Variants in DENND2C observed in about 807,000 individuals in gnomAD.
The protein encoded by DENND2C is DENN domain containing 2C.
In DENND2C, 72 loss-of-function variants were observed where a neutral mutation model predicts 112.4. That is an observed-to-expected ratio of 0.64 (90% CI 0.53 to 0.78). DENND2C has a LOEUF of 0.78. DENND2C is among the 30% of genes least tolerant of loss of function. DENND2C has a pLI of 0.00. For synonymous variants in DENND2C, 329 were observed against 381.6 expected (o/e 0.86, Z 1.61); for missense variants, 992 against 1,113.8 (o/e 0.89, Z 1.56).
At chr1:114,636,525 C>A (rs919664100) in intron 3 of DENND2C, among the ~76,000 whole-genome samples, 4 of 152,066 alleles carry the variant, frequency 2.6e-5, no homozygotes, top group African/African-American at 9.6e-5. Flanking sequence ...ATTAGCCAGG[C>A]ATGGTGGTGC....
At chr1:114,609,555 C>A (rs1161603513) in intron 9 of DENND2C, among the ~76,000 whole-genome samples, 1 of 152,066 alleles carries the variant, frequency 6.6e-6, no homozygotes, top group African/African-American at 2.4e-5. Flanking sequence ...ATAGCAATAC[C>A]AATTAAAACT....
chr1:114,626,981 A>G (rs1165834078), intron 3 of DENND2C, among the ~76,000 whole-genome samples: 1 of 152,208 alleles, frequency 6.6e-6, no homozygotes, highest in Non-Finnish European at 1.5e-5. Context: ...TTGATTAATA[A>G]TATCAGCCCA....
rs1396150240 is a variant in DENND2C, at chr1:114,585,174, A to G, written c.*426T>C. ...TAGTTCAGTGATGAGAATTATGTGT[A>G]TAAGGCTAGTGTTCTCCATTTCCAT... On this transcript the variant is annotated 3_prime_UTR_variant, in exon 21 of 21. Coordinates refer to ENST00000393274, the MANE Select transcript of DENND2C (RefSeq NM_001256404.2). 5.6e-6 allele frequency: 1 copy of G among 178,984 alleles called. No individual in the cohort carries two copies. The highest frequency in any genetic ancestry group is 1.2e-5 in the Non-Finnish European group (1 of 83,718). The allele number at this position is 178,984 out of a possible 1,614,324, so 11.1% of individuals were successfully genotyped here. A position where few individuals can be genotyped will look rare whatever the true frequency, so the allele number is the denominator to read the frequency against.
At chr1:114,659,364 T>C (rs1212890389) in intron 1 of DENND2C, among the ~76,000 whole-genome samples, 2 of 152,014 alleles carry the variant, frequency 1.3e-5, no homozygotes, top group Non-Finnish European at 2.9e-5. Context: ...TAGCCAGGCA[T>C]GGTGGCCGGC....
intron 14 of DENND2C, 52 bp downstream of exon 14, chr1:114,600,768 G>GTT: frequency 1.9e-6 from 3 of 1,585,874 alleles, no homozygotes; most frequent in Non-Finnish European, 2.6e-6. Context: ...GCCTACTAGT[G>GTT]TAAGTCCTGC....
At position 114,585,497 on chromosome 1, in the gene DENND2C, AT is replaced by A; in HGVS notation, c.*102del. 3 of 1,326,452 alleles carry A rather than the reference AT, an allele frequency of 2.3e-6. No individual in the cohort carries two copies. The highest frequency in any genetic ancestry group is 3.2e-6 in the Non-Finnish European group (3 of 938,772). 82.2% of individuals were successfully genotyped at this position (1,326,452 alleles called of 1,614,324 possible). ...CTGACTCGCTCTTTAACCTTTTAAA[AT>A]TTCAAGAATTTTGTAGAATACTTCA... On this transcript the variant is annotated 3_prime_UTR_variant, in exon 21 of 21. Coordinates refer to ENST00000393274, the MANE Select transcript of DENND2C (RefSeq NM_001256404.2).
intron 1 of DENND2C, among the ~76,000 whole-genome samples, chr1:114,661,111 A>G (rs1336605624): frequency 1.3e-5 from 2 of 150,854 alleles, no homozygotes; most frequent in African/African-American, 4.9e-5. Flanking sequence ...CGTCTCAAAA[A>G]AAAAAAAAAA....
At chr1:114,656,393 C>A (rs1308564492) in intron 1 of DENND2C, among the ~76,000 whole-genome samples, 1 of 116,854 alleles carries the variant, frequency 8.6e-6, no homozygotes, top group African/African-American at 3.6e-5. Context: ...CATTCTTTTT[C>A]TTTCTTTCTT....
At chr1:114,639,296 T>C (rs756717620) in intron 3 of DENND2C, among the ~76,000 whole-genome samples, 3 of 152,168 alleles carry the variant, frequency 2.0e-5, no homozygotes, top group African/African-American at 4.8e-5. Flanking sequence ...GATGAAGCCA[T>C]TTGGCCAGGC....
At chr1:114,660,089 T>G (rs1657454550) in intron 1 of DENND2C, among the ~76,000 whole-genome samples, 1 of 152,158 alleles carries the variant, frequency 6.6e-6, no homozygotes, top group Admixed American at 6.5e-5. Context: ...CATGCCTGAC[T>G]GAGATTGCCT....
At chr1:114,602,032 T>C in intron 12 of DENND2C, 93 bp downstream of exon 12, 2 of 1,268,092 alleles carry the variant, frequency 1.6e-6, no homozygotes, top group Non-Finnish European at 2.3e-6. Context: ...TGAGCATCCC[T>C]CAAACTCATC....
chr1:114,661,344 A>G (rs1657487152), intron 1 of DENND2C, among the ~76,000 whole-genome samples: 1 of 152,202 alleles, frequency 6.6e-6, no homozygotes, highest in Non-Finnish European at 1.5e-5. Flanking sequence ...AATCATGAGC[A>G]CAACTTCCAT....
chr1:114,583,137 A>G lies in DENND2C; in HGVS notation c.*2463T>C, dbSNP rs1300295236. Reference sequence around the variant, plus strand: ...TGGGTTGGAGTGTAAGAAGAGACCAAATGGAGAGATGTCTAGTAGAAGCCC... The same window carrying G: ...TGGGTTGGAGTGTAAGAAGAGACCAGATGGAGAGATGTCTAGTAGAAGCCC... On this transcript the variant is annotated 3_prime_UTR_variant, in exon 21 of 21. Coordinates refer to ENST00000393274, the MANE Select transcript of DENND2C (RefSeq NM_001256404.2). 3.3e-5 allele frequency: 5 copies of G among 152,138 alleles called. No homozygotes were observed. The highest frequency in any genetic ancestry group is 9.7e-5 in the African/African-American group (4 of 41,420). 9.4% of individuals were successfully genotyped at this position (152,138 alleles called of 1,614,324 possible).
chr1:114,603,519 C>T (rs1655577461), intron 11 of DENND2C, among the ~76,000 whole-genome samples: 1 of 150,636 alleles, frequency 6.6e-6, no homozygotes, highest in African/African-American at 2.4e-5. Flanking sequence ...TTCTTTCCTC[C>T]CTCCCTCCCT....
At chr1:114,641,620 C>T (rs1394278231) in intron 3 of DENND2C, among the ~76,000 whole-genome samples, 1 of 152,158 alleles carries the variant, frequency 6.6e-6, no homozygotes, top group East Asian at 1.9e-4. Flanking sequence ...TCACTTTCCA[C>T]CATGATTGTA....
chr1:114,590,049 T>G (rs907991838), intron 18 of DENND2C, among the ~76,000 whole-genome samples: 1 of 152,196 alleles, frequency 6.6e-6, no homozygotes, highest in South Asian at 2.1e-4. Context: ...ATACAAAATA[T>G]TGTATTCTTC....
intron 3 of DENND2C, among the ~76,000 whole-genome samples, chr1:114,634,087 T>C (rs997646742): frequency 5.3e-5 from 8 of 152,220 alleles, no homozygotes; most frequent in African/African-American, 1.7e-4. Flanking sequence ...CTAGCAATCC[T>C]AATGTTCATG....
At chr1:114,663,291 C>G (rs1176956874) in intron 1 of DENND2C, among the ~76,000 whole-genome samples, 1 of 152,190 alleles carries the variant, frequency 6.6e-6, no homozygotes, top group Admixed American at 6.5e-5. Flanking sequence ...CCCACTTTCA[C>G]TGAAGCGAAA....
rs551024845 is a variant in DENND2C at position 114,648,846 on chromosome 1, T to C, written c.-316-3287A>G. Among the ~76,000 whole-genome samples, 3 of 152,304 alleles carry C rather than the reference T, an allele frequency of 2.0e-5. No individual in the cohort carries two copies. The South Asian group carries it at 6.2e-4, about 32-fold the overall frequency. ...CTACAAAATGCCACAGTGTGGAAAA[T>C]GGCACGTAAAACTAACTTTAATAAC... is the stretch of plus-strand genomic sequence containing the variant. On this transcript the variant is annotated intron_variant, in intron 2 of 20. Transcript: ENST00000393274.
Sources: gnomAD v4.1 joint callset for allele counts (sites outside exome capture counted in the v4.1 genomes callset) on GRCh38, gnomAD v4.1.1 for gene constraint, MANE v1.5 for transcripts, NCBI Gene and HGNC (gene_info 2026-07-23, HGNC 2026-07-21) for gene names.